Variants in VPS13B observed in about 807,000 individuals in gnomAD.
VPS13B encodes the protein vacuolar protein sorting 13 homolog B, also known as intermembrane lipid transfer protein VPS13B.
A neutral mutation model predicts 426.4 loss-of-function variants in VPS13B; 285 were observed. That is an observed-to-expected ratio of 0.67 (90% CI 0.61 to 0.74). The LOEUF (loss-of-function observed/expected upper bound fraction) is 0.74, where lower values mean the gene tolerates loss of function less well. VPS13B is among the 30% of genes least tolerant of loss of function. VPS13B has a pLI of 0.00. For missense variants in VPS13B, 4,537 were observed against 4,782.6 expected, an observed-to-expected ratio of 0.95 and a Z score of 1.51; for synonymous variants, 1,676 against 1,676.4, an observed-to-expected ratio of 1.00 and a Z score of 0.01.
intron 54 of VPS13B, among the ~76,000 whole-genome samples, chr8:99,836,804 G>A (rs1372059797): frequency 6.6e-6 from 1 of 152,176 alleles, no homozygotes; most frequent in African/African-American, 2.4e-5. Context: ...ACGAGGCATT[G>A]TGCTAAGCAC....
chr8:99,649,627 C>CAT (rs1453052715), intron 34 of VPS13B, among the ~76,000 whole-genome samples: 3 of 98,364 alleles, frequency 3.0e-5, no homozygotes, highest in Admixed American at 3.0e-4. Flanking sequence ...CCTCTACATA[C>CAT]ACACACACAC....
At chr8:99,381,850 G>A (rs898488081) in intron 19 of VPS13B, among the ~76,000 whole-genome samples, 1 of 151,358 alleles carries the variant, frequency 6.6e-6, no homozygotes, top group African/African-American at 2.4e-5. Context: ...CTCCCATTCT[G>A]GCATTTTCTC....
At chr8:99,198,946 T>C (rs1174739530) in intron 17 of VPS13B, among the ~76,000 whole-genome samples, 1 of 152,076 alleles carries the variant, frequency 6.6e-6, no homozygotes, top group Non-Finnish European at 1.5e-5. Flanking sequence ...GAAATGTGTA[T>C]GTATTTAGGG....
intron 3 of VPS13B, among the ~76,000 whole-genome samples, chr8:99,087,292 T>C (rs1845872924): frequency 6.6e-6 from 1 of 152,168 alleles, no homozygotes. Context: ...TGCCGTTTGC[T>C]AAGACCGTTG....
chr8:99,680,237 G>T (rs943950005), intron 35 of VPS13B, among the ~76,000 whole-genome samples: 1 of 152,074 alleles, frequency 6.6e-6, no homozygotes, highest in Non-Finnish European at 1.5e-5. Context: ...TGACTAATGG[G>T]TCAAGTAAAG....
intron 33 of VPS13B, among the ~76,000 whole-genome samples, chr8:99,617,239 G>T (rs190924227): frequency 1.3e-5 from 2 of 152,256 alleles, no homozygotes; most frequent in African/African-American, 4.8e-5. Context: ...AAAAATGAAG[G>T]TTGATTGTGT....
intron 3 of VPS13B, 113 bp downstream of exon 3, chr8:99,038,679 C>CTTTTTTTT (rs34774482): frequency 1.8e-5 from 3 of 168,704 alleles, no homozygotes; most frequent in Admixed American, 1.1e-4. Flanking sequence ...AGCTTATATA[C>CTTTTTTTT]TTTTTTTTTT....
intron 8 of VPS13B, among the ~76,000 whole-genome samples, chr8:99,123,148 AAG>A (rs1427323370): frequency 1.3e-5 from 2 of 151,204 alleles, no homozygotes; most frequent in Non-Finnish European, 3.0e-5. Context: ...AAAAAAAAGA[AAG>A]AAAGAAAAAT....
chr8:99,624,403 A>G (rs918774987), intron 33 of VPS13B, among the ~76,000 whole-genome samples: 2 of 152,138 alleles, frequency 1.3e-5, no homozygotes, highest in Non-Finnish European at 2.9e-5. Flanking sequence ...GCCAAAGTGT[A>G]ACTCATAGAA....
At chr8:99,726,659 G>A (rs1366139823) in intron 39 of VPS13B, among the ~76,000 whole-genome samples, 2 of 152,148 alleles carry the variant, frequency 1.3e-5, no homozygotes, top group East Asian at 1.9e-4. Context: ...AAGGGAACAG[G>A]AACAAATTCT....
At chr8:99,693,109 C>A (rs2130106777) in intron 35 of VPS13B, among the ~76,000 whole-genome samples, 1 of 144,474 alleles carries the variant, frequency 6.9e-6, no homozygotes, top group Non-Finnish European at 1.5e-5. Context: ...CGAATTCTAC[C>A]AGAGGTACAA....
At chr8:99,411,134 G>A (rs1037862788) in intron 21 of VPS13B, among the ~76,000 whole-genome samples, 2 of 152,148 alleles carry the variant, frequency 1.3e-5, no homozygotes, top group African/African-American at 2.4e-5. Flanking sequence ...TTGAGGAATT[G>A]CCACACTGTC....
chr8:99,349,906 A>G (rs1563681768), intron 19 of VPS13B, among the ~76,000 whole-genome samples: 1 of 152,162 alleles, frequency 6.6e-6, no homozygotes, highest in Non-Finnish European at 1.5e-5. Context: ...TGGCAAAAAT[A>G]TATAGAAATA....
intron 17 of VPS13B, among the ~76,000 whole-genome samples, chr8:99,253,795 T>C (rs1817620752): frequency 6.6e-6 from 1 of 152,172 alleles, no homozygotes; most frequent in Non-Finnish European, 1.5e-5. Flanking sequence ...ATCTCTGTTT[T>C]TCATTTCTTT....
intron 17 of VPS13B, among the ~76,000 whole-genome samples, chr8:99,194,304 A>G (rs1460882935): frequency 1.3e-5 from 2 of 152,188 alleles, no homozygotes; most frequent in Non-Finnish European, 2.9e-5. Context: ...TAGTGTGTAT[A>G]TAAACACACA....
intron 23 of VPS13B, among the ~76,000 whole-genome samples, chr8:99,455,074 T>G (rs548083278): frequency 6.6e-6 from 1 of 152,114 alleles, no homozygotes; most frequent in African/African-American, 2.4e-5. Flanking sequence ...TTTGTTCTCT[T>G]GAGTGTTTTT....
intron 33 of VPS13B, among the ~76,000 whole-genome samples, chr8:99,635,703 T>G (rs982269444): frequency 3.3e-5 from 5 of 151,984 alleles, no homozygotes; most frequent in Admixed American, 3.3e-4. Context: ...ACATTTTTAT[T>G]AATGAGCTGA....
chr8:99,354,940 A>G (rs539423291), intron 19 of VPS13B, among the ~76,000 whole-genome samples: 5 of 152,188 alleles, frequency 3.3e-5, no homozygotes, highest in Non-Finnish European at 7.3e-5. Flanking sequence ...AATAAATGAT[A>G]TAAAAAACAG....
rs146674632 is a variant in VPS13B at position 99,373,012 on chromosome 8, C to T, written c.2825-11196C>T. Among the ~76,000 whole-genome samples the T allele has an allele frequency of 3.8e-3, 578 of 152,232 alleles. 3 individuals carry two copies. The highest frequency in any genetic ancestry group is 5.2e-3 in the Non-Finnish European group (357 of 68,020). On this transcript the variant is annotated intron_variant, in intron 19 of 61. Coordinates refer to ENST00000357162, the MANE Select transcript of VPS13B (RefSeq NM_152564.5). ...AAAAAGAATGAGTTCATGTCCTTTG[C>T]AGGGATATGAATGAAGCTGGAAGCC...
Sources: gnomAD v4.1 joint callset for allele counts (sites outside exome capture counted in the v4.1 genomes callset) on GRCh38, gnomAD v4.1.1 for gene constraint, MANE v1.5 for transcripts, NCBI Gene and HGNC (gene_info 2026-07-23, HGNC 2026-07-21) for gene names.